ATP13A3: variants seen among roughly 807,000 people sequenced by gnomAD.
ATP13A3 encodes ATPase 13A3.
In ATP13A3, 59 loss-of-function variants were observed where a neutral mutation model predicts 158.1. The ratio of observed to expected loss-of-function variants is 0.37; its 90% CI spans 0.30 to 0.46. The LOEUF (loss-of-function observed/expected upper bound fraction) is 0.46, where lower values mean the gene tolerates loss of function less well. Ranked by LOEUF, ATP13A3 falls within the 20% of genes least tolerant of loss-of-function variation. The probability of loss-of-function intolerance (pLI) is 1.00; values close to 1 mark genes in which losing one functional copy is unlikely to be tolerated. For missense variants in ATP13A3, 1,166 were observed against 1,525.2 expected (o/e 0.76, Z 3.92); for synonymous variants, 491 against 504.3 (o/e 0.97, Z 0.35).
rs760449760 is a variant in ATP13A3 at position 194,462,179 on chromosome 3, T to C, written c.12A>G (p.Glu4=). Residue 4 remains glutamate (E), a synonymous_variant, in exon 3 of 34, where the codon GAA becomes GAG. Coordinates refer to ENST00000645319, the MANE Select transcript of ATP13A3 (RefSeq NM_001367549.1). ...GACCCTGATTGATGGTCTTCCTTTC[T>C]TCCCTGTCCATACCTACAGTGGATT... MDR[E]ERKTINQGQE... is the part of the protein sequence containing the mutation. 5.0e-6 allele frequency: 8 copies of C among 1,613,914 alleles called. No homozygotes were observed. Among genetic ancestry groups the C allele is most frequent in the Non-Finnish European group, 6.8e-6 (8 of 1,179,890 alleles).
At chr3:194,412,028 T>C (rs1468483733) in intron 33 of ATP13A3, among the ~76,000 whole-genome samples, 171 bp downstream of exon 33, 1 of 152,122 alleles carries the variant, frequency 6.6e-6, no homozygotes, top group Non-Finnish European at 1.5e-5. Flanking sequence ...GGACTTCTTA[T>C]AAGAAATGAA....
At position 194,437,196 on chromosome 3, in the gene ATP13A3, G is replaced by A. The variant is rs1225448149; in HGVS notation, c.2019C>T (p.Asn673=). ...KPETVPVDFQ[N]VLEDFTKQGF... ...CCTGTTTAGTGAAGTCTTCCAAAAC[G>A]TTTTGAAAATCGACAGGAACTTTTT... The change falls in exon 20 of 34, where the codon AAC becomes AAT. Residue 673 remains asparagine, a synonymous_variant. Coordinates refer to ENST00000645319, the MANE Select transcript of ATP13A3 (RefSeq NM_001367549.1). 4 of 1,613,788 alleles carry A rather than the reference G, an allele frequency of 2.5e-6. No homozygotes were observed. The highest frequency in any genetic ancestry group is 1.6e-4 in the Middle Eastern group (1 of 6,084).
In ATP13A3 at chr3:194,406,129, G is replaced by GA. The variant is rs755055864; in HGVS notation, c.3574-14dup. On this transcript the variant is annotated splice_polypyrimidine_tract_variant and intron_variant, in intron 33 of 33. Coordinates refer to ENST00000645319, the MANE Select transcript of ATP13A3 (RefSeq NM_001367549.1). ...GATCCACTGACTCCTAAGAAAATAA[G>GA]AAAAAAACAAAACAAAACACCCCAG... 2.4e-5 allele frequency: 39 copies of GA among 1,611,116 alleles called. No homozygotes were observed. The highest frequency in any genetic ancestry group is 3.3e-5 in the South Asian group (3 of 90,632).
At chr3:194,417,558 T>C (rs549463075) in intron 31 of ATP13A3, among the ~76,000 whole-genome samples, 18 of 152,146 alleles carry the variant, frequency 1.2e-4, no homozygotes, top group Middle Eastern at 3.4e-3. Context: ...TATAAAGTCA[T>C]GGTAGCATGG....
At chr3:194,418,838 G>C (rs1285634981) in intron 31 of ATP13A3, among the ~76,000 whole-genome samples, 1 of 152,164 alleles carries the variant, frequency 6.6e-6, no homozygotes, top group Admixed American at 6.5e-5. Flanking sequence ...ATTACCACTG[G>C]AAGTGTCTGG....
chr3:194,424,818 C>A (rs1716638024), intron 30 of ATP13A3, among the ~76,000 whole-genome samples: 1 of 152,116 alleles, frequency 6.6e-6, no homozygotes, highest in Admixed American at 6.6e-5. Flanking sequence ...CAATAGCATG[C>A]AAAGATACTA....
Position 194,448,082 on chromosome 3 carries a change from C to CTTTT in ATP13A3, c.1151-77_1151-74dup. ...AATTATCTCCCAAAACAGAATCTCT[C>CTTTT]TTTTTTTTTTTTTGAGACAGAGTCT... is the stretch of plus-strand genomic sequence containing the variant. On this transcript the variant is annotated intron_variant, in intron 12 of 33. Coordinates refer to ENST00000645319, the MANE Select transcript of ATP13A3 (RefSeq NM_001367549.1). The surrounding 1 kb of genome is among the most constrained non-coding windows in gnomAD (Gnocchi z 4.0). 8 of 1,120,956 alleles carry CTTTT rather than the reference C, an allele frequency of 7.1e-6. No individual in the cohort carries two copies. The South Asian group carries it at 7.3e-5, about 10-fold the overall frequency. The allele number at this position is 1,120,956 out of a possible 1,614,324, so 69.4% of individuals were successfully genotyped here.
chr3:194,451,848 C>T (rs1335946048), intron 10 of ATP13A3: 1 of 152,458 alleles, frequency 6.6e-6, no homozygotes, highest in Non-Finnish European at 1.5e-5. Context: ...CCTAGCCAGA[C>T]ACTGCTCCAT....
chr3:194,411,988 C>T (rs993997988), intron 33 of ATP13A3, among the ~76,000 whole-genome samples: 5 of 152,086 alleles, frequency 3.3e-5, no homozygotes, highest in African/African-American at 1.2e-4. Context: ...CTTGAAAAGC[C>T]TCTAACAAAT....
At chr3:194,468,923 C>T (rs1720161226) in intron 2 of ATP13A3, among the ~76,000 whole-genome samples, 1 of 152,134 alleles carries the variant, frequency 6.6e-6, no homozygotes, top group Non-Finnish European at 1.5e-5. Context: ...TGCCTGAGGT[C>T]AGGAGTTTGA....
chr3:194,484,433 T>C (rs1720884869), intron 2 of ATP13A3, among the ~76,000 whole-genome samples: 1 of 152,206 alleles, frequency 6.6e-6, no homozygotes, highest in South Asian at 2.1e-4. Context: ...GGTTTTAGAA[T>C]ATGAATATGC....
chr3:194,429,635 G>C (rs773717821), intron 27 of ATP13A3, 43 bp downstream of exon 27: 1 of 1,402,034 alleles, frequency 7.1e-7, no homozygotes, highest in Non-Finnish European at 9.9e-7. Context: ...TTAATTTACG[G>C]TGCACATTAA....
intron 31 of ATP13A3, among the ~76,000 whole-genome samples, chr3:194,415,661 C>CTGTTTTTTTTTTTTT (rs1208643552): frequency 1.3e-4 from 12 of 90,928 alleles, no homozygotes; most frequent in East Asian, 9.6e-4. Flanking sequence ...ATACCACATT[C>CTGTTTTTTTTTTTTT]TTTTTTTTTT....
At position 194,405,911 on chromosome 3, in the gene ATP13A3, A is replaced by T. The variant is rs1714894476; in HGVS notation, c.*8T>A. On this transcript the variant is annotated 3_prime_UTR_variant, in exon 34 of 34. Coordinates refer to ENST00000645319, the MANE Select transcript of ATP13A3 (RefSeq NM_001367549.1). The stretch of plus-strand genomic sequence containing the variant: ...GCTATCAGCAATACCACTGAGACTG[A>T]TTCACTGCTATGTTATGGTGATGAT... 2.5e-6 allele frequency: 4 copies of T among 1,612,874 alleles called. No homozygotes were observed. The highest frequency in any genetic ancestry group is 3.4e-6 in the Non-Finnish European group (4 of 1,178,840).
At position 194,406,004 on chromosome 3, in the gene ATP13A3, T is replaced by C. The variant is rs1714899532; in HGVS notation, c.3686A>G (p.Glu1229Gly). The stretch of plus-strand genomic sequence containing the variant: ...GGTTGTCTGAGGTTTTGGTGGCCAT[T>C]CTGGATCAACCAAGAGCTCCTGCGC... ...YLAQELLVDP[E>G]WPPKPQTTTE... The change falls in exon 34 of 34, where the codon GAA (glutamate) becomes GGA (glycine). Residue 1229 changes from glutamate (E) to glycine (G), a missense_variant. Glu to Gly is a moderately conservative substitution (Grantham distance 98). Transcript: ENST00000645319. 1.2e-6 allele frequency: 2 copies of C among 1,614,068 alleles called. No homozygotes were observed. The highest frequency in any genetic ancestry group is 1.3e-5 in the African/African-American group (1 of 74,912).
chr3:194,416,227 C>A (rs909133211), intron 31 of ATP13A3, among the ~76,000 whole-genome samples: 1 of 152,000 alleles, frequency 6.6e-6, no homozygotes, highest in Non-Finnish European at 1.5e-5. Context: ...TGGGAGGCCA[C>A]GGTGGGTGGA....
At chr3:194,416,163 A>G (rs1170907259) in intron 31 of ATP13A3, among the ~76,000 whole-genome samples, 1 of 152,236 alleles carries the variant, frequency 6.6e-6, no homozygotes, top group East Asian at 1.9e-4. Context: ...ATAGCTGCAG[A>G]AAAAGCATTA....
chr3:194,424,207 A>T (rs1220121855), intron 30 of ATP13A3, among the ~76,000 whole-genome samples: 1 of 151,696 alleles, frequency 6.6e-6, no homozygotes, highest in Non-Finnish European at 1.5e-5. Context: ...TACACAACTA[A>T]TAAATAATAT....
intron 8 of ATP13A3, among the ~76,000 whole-genome samples, chr3:194,454,753 C>T (rs193195842): frequency 1.4e-3 from 214 of 150,506 alleles, no homozygotes; most frequent in African/African-American, 5.1e-3. Flanking sequence ...GGCTTGAACC[C>T]GGGAGGCAGA....
Sources: gnomAD v4.1 joint callset for allele counts (sites outside exome capture counted in the v4.1 genomes callset) on GRCh38, gnomAD v4.1.1 for gene constraint, Gnocchi (gnomAD v3.1) non-coding constraint, MANE v1.5 for transcripts, NCBI Gene and HGNC (gene_info 2026-07-23, HGNC 2026-07-21) for gene names.